The following APBB2 variants were observed in gnomAD, a reference collection of about 807,000 sequenced individuals.
APBB2 encodes the protein amyloid beta precursor protein binding family B member 2.
In APBB2, 38 loss-of-function variants were observed where a neutral mutation model predicts 82.5. That is an observed-to-expected ratio of 0.46 (90% confidence interval 0.36 to 0.60). The LOEUF is 0.60. Among genes scored for constraint, APBB2 ranks in the 20% least tolerant of loss-of-function variants. The probability of loss-of-function intolerance (pLI) is 0.00; values close to 1 mark genes in which losing one functional copy is unlikely to be tolerated. For missense variants in APBB2, 772 were observed against 972.3 expected (o/e 0.79, Z 2.74); for synonymous variants, 341 against 368.2 (o/e 0.93, Z 0.85).
chr4:40,985,560 T>C (rs1303120365), intron 6 of APBB2, among the ~76,000 whole-genome samples: 1 of 152,166 alleles, frequency 6.6e-6, no homozygotes, highest in Non-Finnish European at 1.5e-5. Flanking sequence ...TTTCATTATC[T>C]TTTAAAACCC....
chr4:40,965,023 G>A (rs978869078), intron 6 of APBB2, among the ~76,000 whole-genome samples: 2 of 151,980 alleles, frequency 1.3e-5, no homozygotes, highest in Middle Eastern at 3.4e-3. Flanking sequence ...GGGAGGCTGA[G>A]GCAAGAAAAT....
intron 6 of APBB2, among the ~76,000 whole-genome samples, chr4:40,964,930 C>A (rs988051826): frequency 6.6e-6 from 1 of 152,084 alleles, no homozygotes; most frequent in Non-Finnish European, 1.5e-5. Context: ...ACCATCCTGG[C>A]TAACACAGTG....
At chr4:41,174,192 C>G (rs1215122102) in intron 1 of APBB2, among the ~76,000 whole-genome samples, 1 of 152,188 alleles carries the variant, frequency 6.6e-6, no homozygotes, top group East Asian at 1.9e-4. Flanking sequence ...ACAAAAGAAT[C>G]AACTACTGAG....
intron 1 of APBB2, among the ~76,000 whole-genome samples, chr4:41,152,418 G>A (rs886423039): frequency 5.9e-5 from 9 of 151,414 alleles, no homozygotes; most frequent in African/African-American, 9.7e-5. Context: ...CGCCTCCTGC[G>A]TTCACACCAT....
At chr4:40,957,179 T>C (rs1428494327) in intron 6 of APBB2, among the ~76,000 whole-genome samples, 2 of 152,272 alleles carry the variant, frequency 1.3e-5, no homozygotes, top group Non-Finnish European at 2.9e-5. Context: ...TTTATTATCA[T>C]TAGCTATCAA....
chr4:40,947,865 G>A (rs1788874427), intron 6 of APBB2, among the ~76,000 whole-genome samples: 1 of 152,198 alleles, frequency 6.6e-6, no homozygotes, highest in South Asian at 2.1e-4. Flanking sequence ...TGGAGAGATG[G>A]GAGGGAGGGA....
chr4:41,152,423 C>A (rs1762492438), intron 1 of APBB2, among the ~76,000 whole-genome samples: 1 of 151,926 alleles, frequency 6.6e-6, no homozygotes, highest in South Asian at 2.1e-4. Flanking sequence ...CCTGCGTTCA[C>A]ACCATTCTCC....
At position 41,151,624 on chromosome 4, in the gene APBB2, C is replaced by CT. The variant is rs112954163; in HGVS notation, c.-416-8483dup. ...ATTTTGCTTTTTCCTTGAATGACAGCTTTTTTTGACATACAATCAATATTT... is the reference window on the plus strand; with the variant it reads ...ATTTTGCTTTTTCCTTGAATGACAGCTTTTTTTTGACATACAATCAATATTT... On this transcript the variant is annotated intron_variant, in intron 1 of 17. Coordinates refer to ENST00000508593, the MANE Select transcript of APBB2 (RefSeq NM_004307.2). 6.1e-4 allele frequency among the ~76,000 whole-genome samples: 92 copies of CT among 151,692 alleles called. No homozygotes were observed. In the South Asian group the frequency reaches 0.017, roughly 28 times the overall value.
At chr4:40,901,260 G>T (rs1775197424) in intron 10 of APBB2, among the ~76,000 whole-genome samples, 1 of 152,204 alleles carries the variant, frequency 6.6e-6, no homozygotes, top group Non-Finnish European at 1.5e-5. Flanking sequence ...CTTGCAAAGG[G>T]CCTGGCCCAA....
At chr4:41,025,954 A>AG (rs1391938985) in intron 5 of APBB2, among the ~76,000 whole-genome samples, 34 of 151,622 alleles carry the variant, frequency 2.2e-4, no homozygotes, top group Admixed American at 8.5e-4. Context: ...CAAAAAAAAA[A>AG]AAAAAAAAAG....
chr4:41,169,183 CAAAAAAAAAA>C (rs60032221), intron 1 of APBB2, among the ~76,000 whole-genome samples: 5 of 60,726 alleles, frequency 8.2e-5, no homozygotes, highest in South Asian at 6.1e-4. Context: ...CACTCCGTCT[CAAAAAAAAAA>C]AAAAAAAAAA....
chr4:41,070,396 G>A (rs953452844), intron 3 of APBB2, among the ~76,000 whole-genome samples: 6 of 149,598 alleles, frequency 4.0e-5, no homozygotes, highest in South Asian at 2.1e-4. Context: ...TCCAGTCTCC[G>A]CCTCCTGGGT....
chr4:41,105,873 G>A (rs1421873353), intron 2 of APBB2, among the ~76,000 whole-genome samples: 7 of 136,416 alleles, frequency 5.1e-5, no homozygotes, highest in Non-Finnish European at 9.3e-5. Context: ...GCGACAGAGC[G>A]AGACCCCGTC....
chr4:41,120,737 C>T (rs1317889501), intron 2 of APBB2, among the ~76,000 whole-genome samples: 1 of 152,164 alleles, frequency 6.6e-6, no homozygotes, highest in African/African-American at 2.4e-5. Context: ...CTTTCACAGG[C>T]ACCGCGCTCT....
At chr4:41,053,083 A>C (rs1184163437) in intron 4 of APBB2, among the ~76,000 whole-genome samples, 4 of 152,192 alleles carry the variant, frequency 2.6e-5, no homozygotes, top group Non-Finnish European at 4.4e-5. Flanking sequence ...TTTTCATTAA[A>C]GAAGAGGATA....
At chr4:40,878,035 G>A (rs906681378) in intron 12 of APBB2, among the ~76,000 whole-genome samples, 2 of 150,878 alleles carry the variant, frequency 1.3e-5, no homozygotes, top group Non-Finnish European at 3.0e-5. Context: ...GCAAGACAGG[G>A]TGGGTGGCTG....
intron 6 of APBB2, among the ~76,000 whole-genome samples, chr4:40,951,132 C>T (rs1326694228): frequency 6.6e-6 from 1 of 152,146 alleles, no homozygotes; most frequent in Non-Finnish European, 1.5e-5. Flanking sequence ...GGGGGAGAGA[C>T]AGTGAAGCTC....
At chr4:40,836,444 T>G (rs1753974386) in intron 12 of APBB2, among the ~76,000 whole-genome samples, 1 of 152,136 alleles carries the variant, frequency 6.6e-6, no homozygotes, top group Admixed American at 6.5e-5. Context: ...ACCACTGCAC[T>G]CCTGCCTAGG....
chr4:41,039,827 C>T (rs924823519), intron 4 of APBB2, among the ~76,000 whole-genome samples: 3 of 114,002 alleles, frequency 2.6e-5, no homozygotes, highest in Admixed American at 8.9e-5. Context: ...AGGTGTGAGA[C>T]CTTGTCTCAA....
Sources: gnomAD v4.1 joint callset for allele counts (sites outside exome capture counted in the v4.1 genomes callset) on GRCh38, gnomAD v4.1.1 for gene constraint, MANE v1.5 for transcripts, NCBI Gene and HGNC (gene_info 2026-07-23, HGNC 2026-07-21) for gene names.